CPNE8: variants seen among roughly 807,000 people sequenced by gnomAD.
The protein encoded by CPNE8 is copine-8.
CPNE8 carries 45 observed loss-of-function variants against 81.5 expected under a neutral mutation model. The observed-to-expected ratio is 0.55, with a 90% CI of 0.44 to 0.71. CPNE8 has a LOEUF of 0.71. CPNE8 is among the 30% of genes least tolerant of loss of function. CPNE8 has a pLI of 0.00. For synonymous variants in CPNE8, 252 were observed against 226.3 expected (o/e 1.11, Z -1.02); for missense variants, 594 against 672.1 (o/e 0.88, Z 1.28).
intron 3 of CPNE8, among the ~76,000 whole-genome samples, chr12:38,854,992 TAGAG>T (rs1229725691): frequency 2.0e-5 from 3 of 152,054 alleles, no homozygotes; most frequent in African/African-American, 7.2e-5. Context: ...TGATCTTATA[TAGAG>T]AAAGTTCTAG....
intron 13 of CPNE8, among the ~76,000 whole-genome samples, chr12:38,723,001 G>C (rs547985390): frequency 6.6e-6 from 1 of 152,248 alleles, no homozygotes; most frequent in South Asian, 2.1e-4. Context: ...TGTGCCATCG[G>C]TCATCCGCCA....
chr12:38,905,426 T>A lies in CPNE8; in HGVS notation c.98+11A>T. On this transcript the variant is annotated intron_variant, in intron 1 of 19. Coordinates refer to ENST00000331366, the MANE Select transcript of CPNE8 (RefSeq NM_153634.3). ...AGAGGGCAGGAGAGAGGGGAAGGGC[T>A]GCGTCCTCACCTGCAGGACACGGAC... 6.4e-7 allele frequency: 1 copy of A among 1,554,912 alleles called. No homozygotes were observed. Among genetic ancestry groups the A allele is most frequent in the Non-Finnish European group, 8.7e-7 (1 of 1,149,982 alleles).
At chr12:38,683,671 T>TA (rs1468219514) in intron 16 of CPNE8, among the ~76,000 whole-genome samples, 2 of 152,126 alleles carry the variant, frequency 1.3e-5, no homozygotes, top group Non-Finnish European at 2.9e-5. Context: ...TTTTGTGGTC[T>TA]TATACTAAGA....
At chr12:38,797,502 G>C (rs868213172) in intron 6 of CPNE8, among the ~76,000 whole-genome samples, 2 of 152,078 alleles carry the variant, frequency 1.3e-5, no homozygotes, top group African/African-American at 4.8e-5. Flanking sequence ...TCTGTTAGAA[G>C]GAAAACTAAC....
At chr12:38,829,954 G>T (rs774474280) in intron 5 of CPNE8, among the ~76,000 whole-genome samples, 1 of 152,118 alleles carries the variant, frequency 6.6e-6, no homozygotes, top group Non-Finnish European at 1.5e-5. Flanking sequence ...GTGATTGTAG[G>T]CAATTAATTA....
At chr12:38,759,675 AG>A (rs1941535695) in intron 10 of CPNE8, among the ~76,000 whole-genome samples, 2 of 152,218 alleles carry the variant, frequency 1.3e-5, no homozygotes, top group South Asian at 4.1e-4. Flanking sequence ...ATTTGGTAGC[AG>A]CTAAAGTGTA....
At chr12:38,729,487 G>T (rs551976404) in intron 11 of CPNE8, among the ~76,000 whole-genome samples, 3 of 151,838 alleles carry the variant, frequency 2.0e-5, no homozygotes, top group Non-Finnish European at 4.4e-5. Flanking sequence ...GCCTAACATA[G>T]AACATAAAAT....
At chr12:38,699,699 T>TG (rs1491158606) in intron 14 of CPNE8, among the ~76,000 whole-genome samples, 1 of 140,210 alleles carries the variant, frequency 7.1e-6, no homozygotes, top group Non-Finnish European at 1.6e-5. Context: ...CTTTCTAAAC[T>TG]TTTTTTTTTT....
At chr12:38,739,191 T>C (rs1941030708) in intron 10 of CPNE8, among the ~76,000 whole-genome samples, 1 of 152,172 alleles carries the variant, frequency 6.6e-6, no homozygotes, top group South Asian at 2.1e-4. Context: ...TCTTATATGG[T>C]TTTTGAAGAG....
intron 10 of CPNE8, among the ~76,000 whole-genome samples, chr12:38,745,928 A>G (rs1941216246): frequency 1.3e-5 from 2 of 152,118 alleles, no homozygotes; most frequent in African/African-American, 2.4e-5. Flanking sequence ...GAGTTTTTTC[A>G]AATACTCACA....
chr12:38,745,778 C>T (rs1255060931), intron 10 of CPNE8, among the ~76,000 whole-genome samples: 2 of 152,156 alleles, frequency 1.3e-5, no homozygotes, highest in East Asian at 3.9e-4. Flanking sequence ...CTCCTGGGCT[C>T]AAGCAATTCT....
intron 7 of CPNE8, among the ~76,000 whole-genome samples, chr12:38,772,614 A>G (rs1177663923): frequency 1.3e-5 from 2 of 152,166 alleles, no homozygotes; most frequent in Non-Finnish European, 2.9e-5. Context: ...ACGCAAAAGG[A>G]AGCAGTGTCA....
In CPNE8 at chr12:38,812,543, C is replaced by T. The variant is rs921465651; in HGVS notation, c.407+16836G>A. The stretch of plus-strand genomic sequence containing the variant: ...CACTATCATGAGAACAGCAGCATGA[C>T]GGTAACCACCCCCATGATTCAATTA... On this transcript the variant is annotated intron_variant, in intron 6 of 19. Coordinates refer to ENST00000331366, the MANE Select transcript of CPNE8 (RefSeq NM_153634.3). 7.9e-5 allele frequency among the ~76,000 whole-genome samples: 12 copies of T among 152,260 alleles called. No homozygotes were observed. The East Asian group carries it at 9.7e-4, about 12-fold the overall frequency.
chr12:38,656,455 T>C (rs1465438015), intron 19 of CPNE8, among the ~76,000 whole-genome samples: 2 of 152,064 alleles, frequency 1.3e-5, no homozygotes, highest in African/African-American at 4.8e-5. Context: ...CTGCTTCTTT[T>C]ATCTTACCTT....
intron 19 of CPNE8, among the ~76,000 whole-genome samples, chr12:38,661,921 G>A (rs974905673): frequency 1.3e-5 from 2 of 149,060 alleles, no homozygotes; most frequent in Non-Finnish European, 3.0e-5. Flanking sequence ...ACATGATCTC[G>A]ATAGATGCAG....
intron 1 of CPNE8, among the ~76,000 whole-genome samples, chr12:38,885,204 T>A (rs1019686931): frequency 6.6e-6 from 1 of 152,124 alleles, no homozygotes; most frequent in African/African-American, 2.4e-5. Context: ...AAACTCAAAA[T>A]GCAACATTTG....
intron 4 of CPNE8, among the ~76,000 whole-genome samples, chr12:38,845,885 T>C (rs1275824314): frequency 1.3e-5 from 2 of 152,196 alleles, no homozygotes; most frequent in Non-Finnish European, 2.9e-5. Context: ...TCAGCAATCA[T>C]ATAAAATGGA....
chr12:38,788,410 T>G (rs977999810), intron 6 of CPNE8, among the ~76,000 whole-genome samples: 1 of 151,814 alleles, frequency 6.6e-6, no homozygotes, highest in Non-Finnish European at 1.5e-5. Context: ...ATTGAACATC[T>G]CTTCATCAAA....
Position 38,724,022 on chromosome 12 carries a change from T to A in CPNE8, c.853-189A>T, listed in dbSNP as rs376768157. On this transcript the variant is annotated intron_variant, in intron 12 of 19. Transcript: ENST00000331366. ...ATCTGAAGGAAAGGGACCAAAAAAA[T>A]TAACCAATGTCTTTCTATGACCAGT... Among the ~76,000 whole-genome samples, 22 of 152,290 alleles carry A rather than the reference T, an allele frequency of 1.4e-4. No homozygotes were observed. In the East Asian group the frequency reaches 2.3e-3, roughly 16 times the overall value.
Sources: allele counts gnomAD v4.1 joint callset (sites outside exome capture counted in the v4.1 genomes callset), GRCh38; gene constraint gnomAD v4.1.1; transcripts MANE v1.5; gene names NCBI Gene and HGNC (gene_info 2026-07-23, HGNC 2026-07-21).